The following SNX10 variants were observed in gnomAD, a reference collection of about 807,000 sequenced individuals.
The protein encoded by SNX10 is sorting nexin-10.
In SNX10, 25 loss-of-function variants were observed where a neutral mutation model predicts 28.5. That is an observed-to-expected ratio of 0.88 (90% CI 0.64 to 1.22). The LOEUF (loss-of-function observed/expected upper bound fraction) is 1.22. Ranked by LOEUF, SNX10 falls within the 50% of genes most tolerant of loss-of-function variation. The pLI is 0.00. For synonymous variants in SNX10, 62 were observed against 81.4 expected (o/e 0.76, Z 1.28); for missense variants, 223 against 242.6 (o/e 0.92, Z 0.54).
intron 1 of SNX10, among the ~76,000 whole-genome samples, chr7:26,339,543 CT>C (rs70943294): frequency 0.58 from 68,319 of 118,144 alleles, 17,522 homozygotes; most frequent in Non-Finnish European, 0.63. Context: ...TTTTTTTTTT[CT>C]TTTTTTTTTG....
At position 26,361,619 on chromosome 7, in the gene SNX10, G is replaced by A. The variant is rs562857207; in HGVS notation, c.111+558G>A. On this transcript the variant is annotated intron_variant, in intron 3 of 6. Transcript: ENST00000338523. Reference sequence around the variant, plus strand: ...TCACAATCTCTTGAAAATGTTGTGTGGTGTGTGGCCTTCTGTGACCATCTT... The same window carrying A: ...TCACAATCTCTTGAAAATGTTGTGTAGTGTGTGGCCTTCTGTGACCATCTT... Among the ~76,000 whole-genome samples, 4 of 152,322 alleles carry A rather than the reference G, an allele frequency of 2.6e-5. No individual in the cohort carries two copies. In the South Asian group the frequency reaches 6.2e-4, roughly 24 times the overall value.
At chr7:26,308,226 G>T (rs1465494999) in intron 1 of SNX10, among the ~76,000 whole-genome samples, 1 of 152,088 alleles carries the variant, frequency 6.6e-6, no homozygotes, top group Non-Finnish European at 1.5e-5. Context: ...CCTTCAACCT[G>T]CTCCTTTTTC....
chr7:26,325,343 C>T (rs148099574), intron 1 of SNX10, among the ~76,000 whole-genome samples: 1,415 of 40,320 alleles, frequency 0.035, 43 homozygotes, highest in African/African-American at 0.074. Flanking sequence ...GATGGAGTCT[C>T]GCTGTGTTGC....
At chr7:26,333,604 G>A (rs1242973020) in intron 1 of SNX10, among the ~76,000 whole-genome samples, 2 of 152,150 alleles carry the variant, frequency 1.3e-5, no homozygotes, top group Admixed American at 1.3e-4. Flanking sequence ...GATTACAGGC[G>A]TGAGCCACCG....
At chr7:26,346,368 C>T (rs1271440537) in intron 1 of SNX10, 52 bp from the exon 2 acceptor site, 5 of 1,110,208 alleles carry the variant, frequency 4.5e-6, no homozygotes, top group Non-Finnish European at 5.6e-6. Context: ...GTGGTGTATC[C>T]ACTCCAGTTT....
At chr7:26,348,377 CT>C (rs1244455913) in intron 2 of SNX10, among the ~76,000 whole-genome samples, 1 of 152,248 alleles carries the variant, frequency 6.6e-6, no homozygotes, top group African/African-American at 2.4e-5. Flanking sequence ...AAGCTTGGGG[CT>C]TTCCTGAACC....
intron 1 of SNX10, among the ~76,000 whole-genome samples, chr7:26,307,825 G>A (rs1786658306): frequency 6.6e-6 from 1 of 152,042 alleles, no homozygotes; most frequent in Non-Finnish European, 1.5e-5. Flanking sequence ...AACAGTTGAT[G>A]AACCTGCACT....
At chr7:26,359,742 C>T (rs1409766167) in intron 2 of SNX10, among the ~76,000 whole-genome samples, 3 of 151,652 alleles carry the variant, frequency 2.0e-5, no homozygotes, top group Non-Finnish European at 4.4e-5. Flanking sequence ...CGGCTCACTG[C>T]AACCACCGCT....
At chr7:26,310,457 A>C (rs937316617) in intron 1 of SNX10, among the ~76,000 whole-genome samples, 4 of 152,208 alleles carry the variant, frequency 2.6e-5, no homozygotes, top group Non-Finnish European at 5.9e-5. Context: ...ATAATAAATT[A>C]ATATAGACTG....
chr7:26,346,787 T>C (rs952171640), intron 2 of SNX10, among the ~76,000 whole-genome samples: 6 of 152,238 alleles, frequency 3.9e-5, no homozygotes, highest in African/African-American at 1.2e-4. Context: ...CATTGACTCA[T>C]CCCTGAATTC....
intron 1 of SNX10, among the ~76,000 whole-genome samples, chr7:26,315,814 G>A (rs1787062345): frequency 6.6e-6 from 1 of 152,144 alleles, no homozygotes; most frequent in Non-Finnish European, 1.5e-5. Flanking sequence ...AATTGAAGCT[G>A]ACAAATTTGA....
intron 1 of SNX10, among the ~76,000 whole-genome samples, chr7:26,309,636 C>A (rs1024541429): frequency 1.3e-5 from 2 of 152,170 alleles, no homozygotes; most frequent in South Asian, 2.1e-4. Flanking sequence ...AACTCTACCC[C>A]CAACCTTCAT....
intron 1 of SNX10, among the ~76,000 whole-genome samples, chr7:26,326,826 A>G (rs1787520194): frequency 6.6e-6 from 1 of 152,106 alleles, no homozygotes; most frequent in Non-Finnish European, 1.5e-5. Flanking sequence ...TCAGCCTCCC[A>G]AAGTTCTGGG....
chr7:26,370,489 T>C (rs957845112), intron 5 of SNX10: 1 of 152,220 alleles, frequency 6.6e-6, no homozygotes, highest in African/African-American at 2.4e-5. Context: ...TTCCTTCTAA[T>C]AGACCAGTAA....
At chr7:26,339,428 T>C (rs764705935) in intron 1 of SNX10, among the ~76,000 whole-genome samples, 2 of 152,156 alleles carry the variant, frequency 1.3e-5, no homozygotes, top group Non-Finnish European at 2.9e-5. Flanking sequence ...TATAAATTTA[T>C]GGGGTTCAAG....
intron 1 of SNX10, among the ~76,000 whole-genome samples, chr7:26,318,775 C>T (rs1374871850): frequency 2.0e-5 from 3 of 152,176 alleles, no homozygotes; most frequent in African/African-American, 7.2e-5. Context: ...CCAGCCCATA[C>T]TTAATTTTTC....
chr7:26,337,311 T>G (rs1209393476), intron 1 of SNX10, among the ~76,000 whole-genome samples: 2 of 152,252 alleles, frequency 1.3e-5, no homozygotes, highest in Non-Finnish European at 2.9e-5. Flanking sequence ...TACACCATAC[T>G]AGTGTATAGA....
chr7:26,330,334 A>G (rs1787690757), intron 1 of SNX10, among the ~76,000 whole-genome samples: 1 of 152,054 alleles, frequency 6.6e-6, no homozygotes, highest in Non-Finnish European at 1.5e-5. Context: ...TCACATTCCT[A>G]GGTTCTAGGT....
chr7:26,302,680 C>T (rs191829105), intron 1 of SNX10, among the ~76,000 whole-genome samples: 1 of 152,314 alleles, frequency 6.6e-6, no homozygotes, highest in East Asian at 1.9e-4. Flanking sequence ...TCCCTGCTCC[C>T]TGGTGACCAC....
Sources: allele counts gnomAD v4.1 joint callset (sites outside exome capture counted in the v4.1 genomes callset), GRCh38; gene constraint gnomAD v4.1.1; transcripts MANE v1.5; gene names NCBI Gene and HGNC (gene_info 2026-07-23, HGNC 2026-07-21).